The following PPM1H variants were observed in gnomAD, a reference collection of about 807,000 sequenced individuals.
PPM1H encodes the protein protein phosphatase, Mg2+/Mn2+ dependent 1H.
Under a neutral mutation model 54.9 loss-of-function variants are expected in PPM1H, and 27 were observed. That is an observed-to-expected ratio of 0.49 (90% confidence interval 0.36 to 0.68). The LOEUF (loss-of-function observed/expected upper bound fraction) is 0.68, where lower values mean the gene tolerates loss of function less well. Among genes scored for constraint, PPM1H ranks in the 30% least tolerant of loss-of-function variants. The probability of loss-of-function intolerance (pLI) is 0.00; values close to 1 mark genes in which losing one functional copy is unlikely to be tolerated. For missense variants in PPM1H, 596 were observed against 667.8 expected, an observed-to-expected ratio of 0.89 and a Z score of 1.19; for synonymous variants, 305 against 270.8, an observed-to-expected ratio of 1.13 and a Z score of -1.24.
intron 6 of PPM1H, among the ~76,000 whole-genome samples, chr12:62,702,451 A>C (rs7133424): frequency 0.027 from 4,045 of 151,800 alleles, 132 homozygotes; most frequent in East Asian, 0.15. Flanking sequence ...TGCTTAACCC[A>C]TGGGCCAGGA....
chr12:62,685,092 T>C (rs2076044027), intron 8 of PPM1H, among the ~76,000 whole-genome samples: 1 of 152,156 alleles, frequency 6.6e-6, no homozygotes, highest in South Asian at 2.1e-4. Context: ...ACAACAATTT[T>C]AATCTTGTGC....
Position 62,720,152 on chromosome 12 carries a change from G to C in PPM1H, c.1073+19C>G. Reference sequence around the variant, plus strand: ...ACACACACTGTGTGGTTCCGAGGCAGAGGAAGGCATGTTCTTACCAGCCTG... The same window carrying C: ...ACACACACTGTGTGGTTCCGAGGCACAGGAAGGCATGTTCTTACCAGCCTG... On this transcript the variant is annotated intron_variant, in intron 6 of 9. Coordinates refer to ENST00000228705, the MANE Select transcript of PPM1H (RefSeq NM_020700.2). 1 of 1,551,724 alleles carries C rather than the reference G, an allele frequency of 6.4e-7. No individual in the cohort carries two copies. The highest frequency in any genetic ancestry group is 1.1e-5 in the South Asian group (1 of 89,782).
chr12:62,719,822 T>C (rs988709002), intron 6 of PPM1H, among the ~76,000 whole-genome samples: 1 of 152,196 alleles, frequency 6.6e-6, no homozygotes, highest in Non-Finnish European at 1.5e-5. Flanking sequence ...TCTGGCTCAA[T>C]AAACCTTTGG....
intron 9 of PPM1H, among the ~76,000 whole-genome samples, chr12:62,664,137 C>T (rs927650732): frequency 6.6e-6 from 1 of 152,098 alleles, no homozygotes; most frequent in African/African-American, 2.4e-5. Context: ...TTCTCTGTTT[C>T]CAGAAATCAG....
chr12:62,763,883 C>T (rs1167657608), intron 4 of PPM1H, among the ~76,000 whole-genome samples: 1 of 152,172 alleles, frequency 6.6e-6, no homozygotes, highest in African/African-American at 2.4e-5. Flanking sequence ...ACCTCCACTC[C>T]TGGTTGCTTT....
At chr12:62,894,477 A>G (rs2121093165) in intron 1 of PPM1H, among the ~76,000 whole-genome samples, 1 of 152,300 alleles carries the variant, frequency 6.6e-6, no homozygotes, top group East Asian at 1.9e-4. Flanking sequence ...AGTGAAAAGG[A>G]CAAAAGCCCC....
chr12:62,683,199 T>C (rs2076032923), intron 8 of PPM1H, among the ~76,000 whole-genome samples: 1 of 151,904 alleles, frequency 6.6e-6, no homozygotes, highest in Non-Finnish European at 1.5e-5. Flanking sequence ...TGTGATCCAC[T>C]GTGCCTGGCC....
At chr12:62,840,230 A>G (rs11174692) in intron 1 of PPM1H, 51,333 of 152,044 alleles carry the variant, frequency 0.34, 11,688 homozygotes, top group African/African-American at 0.65. Flanking sequence ...TTCATAGATG[A>G]TTGTGTTCTC....
At chr12:62,771,823 C>T (rs954012226) in intron 4 of PPM1H, among the ~76,000 whole-genome samples, 1 of 152,182 alleles carries the variant, frequency 6.6e-6, no homozygotes, top group Non-Finnish European at 1.5e-5. Flanking sequence ...TCCCCACACC[C>T]CGTTACAATG....
rs1868560255 is a variant in PPM1H at position 62,838,133 on chromosome 12, T to C, written c.246-5854A>G. On this transcript the variant is annotated intron_variant, in intron 1 of 9. Coordinates refer to ENST00000228705, the MANE Select transcript of PPM1H (RefSeq NM_020700.2). ...AAAAGACCAAATAGAGAATCTTCTT[T>C]TGTGGTTATTGTTGTCTTGCTTTGT... Among the ~76,000 whole-genome samples the C allele has an allele frequency of 2.0e-5, 3 of 152,260 alleles. No individual in the cohort carries two copies. In the South Asian group the frequency reaches 6.2e-4, roughly 32 times the overall value.
intron 7 of PPM1H, among the ~76,000 whole-genome samples, chr12:62,691,858 C>T (rs1196291597): frequency 6.6e-6 from 1 of 151,778 alleles, no homozygotes; most frequent in Non-Finnish European, 1.5e-5. Context: ...GGGCCCTCTG[C>T]CCTGCTGGGA....
At chr12:62,708,139 C>T (rs1305182227) in intron 6 of PPM1H, among the ~76,000 whole-genome samples, 1 of 152,240 alleles carries the variant, frequency 6.6e-6, no homozygotes, top group Non-Finnish European at 1.5e-5. Context: ...TGTTATCAGC[C>T]TTCCTGGCTC....
chr12:62,884,395 G>T (rs1249887399), intron 1 of PPM1H, among the ~76,000 whole-genome samples: 1 of 151,324 alleles, frequency 6.6e-6, no homozygotes, highest in African/African-American at 2.4e-5. Flanking sequence ...CAGCTATTTG[G>T]GAAGCTGAGG....
chr12:62,773,415 C>T (rs2076590485), intron 4 of PPM1H, among the ~76,000 whole-genome samples: 1 of 152,112 alleles, frequency 6.6e-6, no homozygotes, highest in African/African-American at 2.4e-5. Context: ...GTCAAGGCTG[C>T]AGTGAGCCAT....
chr12:62,676,066 T>C (rs768302678), intron 8 of PPM1H, among the ~76,000 whole-genome samples: 6 of 152,128 alleles, frequency 3.9e-5, no homozygotes, highest in Non-Finnish European at 8.8e-5. Context: ...AGGGAGGAAG[T>C]GCATGCTGAT....
At chr12:62,797,587 G>A (rs2652025) in intron 3 of PPM1H, among the ~76,000 whole-genome samples, 31,386 of 151,986 alleles carry the variant, frequency 0.21, 4,231 homozygotes, top group African/African-American at 0.39. Context: ...CTGGCACACC[G>A]TGGCGCTTGT....
chr12:62,909,743 C>T (rs2121135951), intron 1 of PPM1H, among the ~76,000 whole-genome samples: 1 of 152,288 alleles, frequency 6.6e-6, no homozygotes, highest in Non-Finnish European at 1.5e-5. Flanking sequence ...TGCAAATTAT[C>T]TGCTTCACCC....
At chr12:62,866,803 G>T (rs1340913364) in intron 1 of PPM1H, among the ~76,000 whole-genome samples, 1 of 151,968 alleles carries the variant, frequency 6.6e-6, no homozygotes, top group Non-Finnish European at 1.5e-5. Flanking sequence ...AACCTGTACA[G>T]CAATAGATAA....
chr12:62,871,502 A>G (rs945388874), intron 1 of PPM1H, among the ~76,000 whole-genome samples: 1 of 147,632 alleles, frequency 6.8e-6, no homozygotes, highest in African/African-American at 2.5e-5. Flanking sequence ...AAACCACCGA[A>G]CTGTGGTACT....
Sources: gnomAD v4.1 joint callset for allele counts (sites outside exome capture counted in the v4.1 genomes callset) on GRCh38, gnomAD v4.1.1 for gene constraint, MANE v1.5 for transcripts, NCBI Gene and HGNC (gene_info 2026-07-23, HGNC 2026-07-21) for gene names.